The following PTPRN2 variants were observed in gnomAD, a reference collection of about 807,000 sequenced individuals.
PTPRN2 encodes receptor-type tyrosine-protein phosphatase N2.
PTPRN2 carries 74 observed loss-of-function variants against 118.8 expected under a neutral mutation model. The ratio of observed to expected loss-of-function variants is 0.62; its 90% CI spans 0.52 to 0.76. The LOEUF (loss-of-function observed/expected upper bound fraction) is 0.76. PTPRN2 is among the 30% of genes least tolerant of loss of function. PTPRN2 has a pLI of 0.00. For missense variants in PTPRN2, 1,481 were observed against 1,394.4 expected, an observed-to-expected ratio of 1.06 and a Z score of -0.99; for synonymous variants, 641 against 608.0, an observed-to-expected ratio of 1.05 and a Z score of -0.80.
At chr7:157,692,340 C>T (rs1049451774) in intron 12 of PTPRN2, among the ~76,000 whole-genome samples, 2 of 152,160 alleles carry the variant, frequency 1.3e-5, no homozygotes, top group Admixed American at 1.3e-4. Context: ...GTCTCCCCTC[C>T]CCTCCCTTGC....
intron 3 of PTPRN2, among the ~76,000 whole-genome samples, chr7:158,278,693 T>G (rs938480900): frequency 6.6e-6 from 1 of 152,172 alleles, no homozygotes; most frequent in African/African-American, 2.4e-5. Flanking sequence ...AAAGATGGTG[T>G]GTCCAGAGTT....
At chr7:157,812,042 G>T (rs927214269) in intron 12 of PTPRN2, among the ~76,000 whole-genome samples, 1 of 152,160 alleles carries the variant, frequency 6.6e-6, no homozygotes, top group African/African-American at 2.4e-5. Flanking sequence ...AAATGAGGAG[G>T]TTCAGGGCAG....
chr7:157,793,146 G>T (rs1804629686), intron 12 of PTPRN2, among the ~76,000 whole-genome samples: 1 of 152,082 alleles, frequency 6.6e-6, no homozygotes, highest in African/African-American at 2.4e-5. Flanking sequence ...GGAGAATGAG[G>T]GCCTGGAGCT....
intron 2 of PTPRN2, among the ~76,000 whole-genome samples, chr7:158,337,158 G>C (rs1455196120): frequency 8.4e-4 from 127 of 151,372 alleles, no homozygotes; most frequent in African/African-American, 2.7e-3. Context: ...CACCATAAGA[G>C]GTGACACCTG....
At chr7:157,935,291 C>G (rs1799629583) in intron 11 of PTPRN2, among the ~76,000 whole-genome samples, 1 of 152,154 alleles carries the variant, frequency 6.6e-6, no homozygotes, top group African/African-American at 2.4e-5. Context: ...GACCACTTGA[C>G]TTTGTCCTAG....
intron 1 of PTPRN2, among the ~76,000 whole-genome samples, chr7:158,585,496 T>C (rs906592150): frequency 6.6e-6 from 1 of 152,258 alleles, no homozygotes; most frequent in Non-Finnish European, 1.5e-5. Flanking sequence ...CACAGCCTTC[T>C]GTTACCAGTG....
intron 13 of PTPRN2, among the ~76,000 whole-genome samples, chr7:157,661,217 G>A (rs941255366): frequency 1.3e-5 from 2 of 152,284 alleles, no homozygotes; most frequent in Admixed American, 1.3e-4. Flanking sequence ...ACTGCGCAGC[G>A]CAGGGTCTTC....
intron 2 of PTPRN2, among the ~76,000 whole-genome samples, chr7:158,396,138 G>GGGCAGCC (rs1300360413): frequency 6.6e-6 from 1 of 152,194 alleles, no homozygotes; most frequent in African/African-American, 2.4e-5. Context: ...ACAGGGCAGC[G>GGGCAGCC]GGCAGCCAGT....
intron 14 of PTPRN2, among the ~76,000 whole-genome samples, chr7:157,645,981 G>T (rs1002586853): frequency 6.6e-6 from 1 of 152,218 alleles, no homozygotes; most frequent in Non-Finnish European, 1.5e-5. Context: ...AAGACGTAAG[G>T]GCTAAAATCT....
intron 17 of PTPRN2, among the ~76,000 whole-genome samples, chr7:157,579,289 G>A (rs375275489): frequency 1.2e-4 from 18 of 152,132 alleles, no homozygotes; most frequent in African/African-American, 3.9e-4. Context: ...TTTACAAAAC[G>A]CCCACAAATA....
intron 12 of PTPRN2, chr7:157,863,805 C>A (rs55750670): frequency 2.0e-5 from 3 of 152,192 alleles, no homozygotes; most frequent in Non-Finnish European, 2.9e-5. Flanking sequence ...CAGACGTGCA[C>A]GTGTGGAGAC....
At chr7:158,182,101 T>C (rs1364450002) in intron 5 of PTPRN2, among the ~76,000 whole-genome samples, 3 of 152,216 alleles carry the variant, frequency 2.0e-5, no homozygotes, top group African/African-American at 7.2e-5. Flanking sequence ...GAGGTTTTGA[T>C]AACTTGTGTC....
In PTPRN2 at chr7:158,024,108, C is replaced by T. The variant is rs549726637; in HGVS notation, c.1723+57190G>A. ...CTTCTATGACAATGCCAAACACACC[C>T]CAGCAAAGCTCTGGGGTAGTGTGAA... On this transcript the variant is annotated intron_variant, in intron 11 of 22. Transcript: ENST00000389418. Among the ~76,000 whole-genome samples, 11 of 152,256 alleles carry T rather than the reference C, an allele frequency of 7.2e-5. No homozygotes were observed. In the South Asian group the frequency reaches 2.3e-3, roughly 32 times the overall value.
chr7:158,570,363 A>T lies in PTPRN2; in HGVS notation c.112+17195T>A, dbSNP rs968447588. Among the ~76,000 whole-genome samples the T allele has an allele frequency of 6.6e-6, 1 of 152,222 alleles. No individual in the cohort carries two copies. Among genetic ancestry groups the T allele is most frequent in the African/African-American group, 2.4e-5 (1 of 41,462 alleles). ...GGACAAGGTGTTTTGCTGAATAAATAAATTAATACATAATAAAGGCTGCGT... is the reference window on the plus strand; with the variant it reads ...GGACAAGGTGTTTTGCTGAATAAATTAATTAATACATAATAAAGGCTGCGT... On this transcript the variant is annotated intron_variant, in intron 1 of 22. Transcript: ENST00000389418. This position sits in a 1 kb window ranked among gnomAD's most constrained non-coding sequence, Gnocchi z 4.5.
At chr7:158,459,553 G>T (rs1818813348) in intron 2 of PTPRN2, among the ~76,000 whole-genome samples, 1 of 152,174 alleles carries the variant, frequency 6.6e-6, no homozygotes, top group African/African-American at 2.4e-5. Flanking sequence ...AAATGTCATA[G>T]CTTCTCTTTC....
intron 11 of PTPRN2, among the ~76,000 whole-genome samples, chr7:157,947,090 G>A (rs1416943603): frequency 6.6e-6 from 1 of 152,164 alleles, no homozygotes; most frequent in Admixed American, 6.5e-5. Flanking sequence ...GCATAGATGG[G>A]AGCTGCCCTG....
chr7:157,667,240 G>A lies in PTPRN2; in HGVS notation c.2002-10689C>T, dbSNP rs528044785. On this transcript the variant is annotated intron_variant, in intron 13 of 22. Transcript: ENST00000389418. ...AGCCTGTGGGACACTGATCTCTGGT[G>A]TGTGCAATGAGTACACAGCCTGGCT... 1.3e-4 allele frequency among the ~76,000 whole-genome samples: 15 copies of A among 115,296 alleles called. No individual in the cohort carries two copies. The South Asian group carries it at 3.6e-3, about 28-fold the overall frequency. The allele number at this position is 115,296 out of a possible 152,430, so 75.6% of individuals were successfully genotyped here. A position where few individuals can be genotyped will look rare whatever the true frequency, so the allele number is the denominator to read the frequency against.
At chr7:157,997,749 G>A (rs571128804) in intron 11 of PTPRN2, among the ~76,000 whole-genome samples, 1 of 150,762 alleles carries the variant, frequency 6.6e-6, no homozygotes, top group East Asian at 2.0e-4. Flanking sequence ...GGGACCCTGT[G>A]GAGCCCCCAG....
rs572812054 is a variant in PTPRN2 at position 157,881,952 on chromosome 7, A to C, written c.1788+16721T>G. On this transcript the variant is annotated intron_variant, in intron 12 of 22. Coordinates refer to ENST00000389418, the MANE Select transcript of PTPRN2 (RefSeq NM_002847.5). This position sits in a 1 kb window ranked among gnomAD's most constrained non-coding sequence, Gnocchi z 4.7. ...GTAGGAGATGAGAACACATCACCCCAAAAATGACTGTCATACATCAGAACA... is the reference window on the plus strand; with the variant it reads ...GTAGGAGATGAGAACACATCACCCCCAAAATGACTGTCATACATCAGAACA... Among the ~76,000 whole-genome samples the C allele has an allele frequency of 2.0e-5, 3 of 152,338 alleles. No homozygotes were observed. In the South Asian group the frequency reaches 6.2e-4, roughly 32 times the overall value.
Sources: allele counts gnomAD v4.1 joint callset (sites outside exome capture counted in the v4.1 genomes callset), GRCh38; gene constraint gnomAD v4.1.1; non-coding constraint Gnocchi (gnomAD v3.1); transcripts MANE v1.5; gene names NCBI Gene and HGNC (gene_info 2026-07-23, HGNC 2026-07-21).